CMC2: variants seen among roughly 807,000 people sequenced by gnomAD.
CMC2 encodes the protein C-X9-C motif containing 2.
In CMC2, 5 loss-of-function variants were observed where a neutral mutation model predicts 7.5. The ratio of observed to expected loss-of-function variants is 0.66; its 90% CI spans 0.35 to 1.40. The LOEUF is 1.40. Among genes scored for constraint, CMC2 ranks in the 40% most tolerant of loss-of-function variants. CMC2 has a pLI of 0.04. For missense variants in CMC2, 115 were observed against 92.3 expected, an observed-to-expected ratio of 1.25 and a Z score of -1.01; for synonymous variants, 37 against 31.4, an observed-to-expected ratio of 1.18 and a Z score of -0.60.
intron 2 of CMC2, among the ~76,000 whole-genome samples, chr16:80,993,594 G>C (rs1968180030): frequency 6.6e-6 from 1 of 152,232 alleles, no homozygotes; most frequent in Non-Finnish European, 1.5e-5. Context: ...GCTCACACAG[G>C]GCTGGGAGTC....
chr16:80,985,915 A>AAAAAC (rs1967489504), intron 2 of CMC2, among the ~76,000 whole-genome samples: 2 of 151,766 alleles, frequency 1.3e-5, no homozygotes, highest in Non-Finnish European at 2.9e-5. Flanking sequence ...AAAAAAAAAA[A>AAAAAC]AAACCACAGG....
At chr16:80,986,124 G>A (rs916743585) in intron 2 of CMC2, among the ~76,000 whole-genome samples, 2 of 152,196 alleles carry the variant, frequency 1.3e-5, no homozygotes, top group Non-Finnish European at 2.9e-5. Context: ...CAGGCGGGCG[G>A]ATCACCTGAG....
chr16:81,001,569 T>C (rs1245974210), intron 1 of CMC2, among the ~76,000 whole-genome samples: 1 of 152,122 alleles, frequency 6.6e-6, no homozygotes, highest in African/African-American at 2.4e-5. Context: ...ACATTATTAA[T>C]GTATCTGATA....
intron 1 of CMC2, among the ~76,000 whole-genome samples, chr16:81,002,054 G>A (rs1326543654): frequency 3.3e-5 from 5 of 152,160 alleles, no homozygotes; most frequent in Admixed American, 1.3e-4. Flanking sequence ...ATCCAATATC[G>A]TACCAATATT....
At chr16:80,986,168 G>C (rs1380496294) in intron 2 of CMC2, among the ~76,000 whole-genome samples, 1 of 152,128 alleles carries the variant, frequency 6.6e-6, no homozygotes, top group Non-Finnish European at 1.5e-5. Context: ...GGCTAACATG[G>C]TGAAACCCCA....
intron 2 of CMC2, chr16:80,983,993 G>GA (rs34669239): frequency 3.3e-4 from 49 of 148,140 alleles, no homozygotes; most frequent in Non-Finnish European, 4.1e-4. Flanking sequence ...AAAAAAAAAA[G>GA]AAAAAAAAAC....
intron 1 of CMC2, among the ~76,000 whole-genome samples, chr16:81,004,950 T>G (rs1969145914): frequency 6.6e-6 from 1 of 152,242 alleles, no homozygotes. Context: ...TGTATTTTAA[T>G]GCCAGTTGGC....
intron 2 of CMC2, among the ~76,000 whole-genome samples, chr16:80,992,842 C>T (rs565539763): frequency 1.3e-4 from 19 of 151,998 alleles, no homozygotes; most frequent in Admixed American, 3.3e-4. Flanking sequence ...CAGGCATGTG[C>T]CATGCCCGGC....
Position 80,981,871 on chromosome 16 carries a change from T to C in CMC2, c.88A>G (p.Ile30Val). 2 of 1,607,002 alleles carry C rather than the reference T, an allele frequency of 1.2e-6. No homozygotes were observed. The highest frequency in any genetic ancestry group is 1.7e-6 in the Non-Finnish European group (2 of 1,174,772). ...LLKECHKNHN[I>V]LKFFGYCNDV... ...TTACAATAACCAAAAAATTTCAGAA[T>C]GTTGTGCTAAAAGGAAGAAAAGGAG... Residue 30 changes from isoleucine to valine, a missense_variant, in exon 3 of 4, where the codon ATT (isoleucine) becomes GTT (valine). By Grantham distance (29) the Ile-to-Val change is conservative (BLOSUM62 3). Coordinates refer to ENST00000219400, the MANE Select transcript of CMC2 (RefSeq NM_020188.5).
At chr16:81,004,033 G>T in intron 1 of CMC2, among the ~76,000 whole-genome samples, 1 of 152,190 alleles carries the variant, frequency 6.6e-6, no homozygotes, top group East Asian at 1.9e-4. Context: ...GACCAGCCTA[G>T]CCAACATGGT....
chr16:81,004,103 A>C (rs1485437861), intron 1 of CMC2, among the ~76,000 whole-genome samples: 1 of 152,118 alleles, frequency 6.6e-6, no homozygotes, highest in African/African-American at 2.4e-5. Context: ...GGGGCCTGTA[A>C]TCCAGCTACT....
At chr16:80,987,924 C>G (rs935673551) in intron 2 of CMC2, among the ~76,000 whole-genome samples, 1 of 151,930 alleles carries the variant, frequency 6.6e-6, no homozygotes, top group African/African-American at 2.4e-5. Context: ...GCCTGTAATC[C>G]CAGCACTTTG....
At chr16:80,994,965 A>C (rs1007098529) in intron 2 of CMC2, among the ~76,000 whole-genome samples, 67 of 151,412 alleles carry the variant, frequency 4.4e-4, no homozygotes, top group African/African-American at 1.6e-3. Context: ...GACCAACATA[A>C]TGAAACCCCG....
chr16:80,988,629 C>T (rs1453600793), intron 2 of CMC2: 2 of 697,076 alleles, frequency 2.9e-6, no homozygotes, highest in African/African-American at 3.5e-5. Context: ...TTTAAGTCTC[C>T]ATACGATTAC....
At chr16:80,997,180 T>C in intron 2 of CMC2, 134 bp downstream of exon 2, 1 of 648,090 alleles carries the variant, frequency 1.5e-6, no homozygotes, top group South Asian at 1.8e-5. Context: ...ACATATCAAC[T>C]GCTAATCTTG....
rs755927424 is a variant in CMC2 at position 80,996,989 on chromosome 16, G to C, written c.81+325C>G. The C allele has an allele frequency of 1.7e-5, 8 of 466,054 alleles. No homozygotes were observed. In the Middle Eastern group the frequency reaches 1.6e-3, roughly 92 times the overall value. 28.9% of individuals were successfully genotyped at this position (466,054 alleles called of 1,614,324 possible). A position where few individuals can be genotyped will look rare whatever the true frequency, so the allele number is the denominator to read the frequency against. Reference sequence around the variant, plus strand: ...TAGAATAATTCCATTATAATCAGAAGTGTCAGCGCTGAATATAACTGTTCT... The same window carrying C: ...TAGAATAATTCCATTATAATCAGAACTGTCAGCGCTGAATATAACTGTTCT... On this transcript the variant is annotated intron_variant, in intron 2 of 3. Transcript: ENST00000219400.
rs1479263912 is a variant in CMC2, at chr16:80,966,994, T to C, written c.*9099A>G. On this transcript the variant is annotated 3_prime_UTR_variant, in exon 4 of 4. Coordinates refer to ENST00000219400, the MANE Select transcript of CMC2 (RefSeq NM_020188.5). ...AAGTGATCTACAGAAAAAGAAAATG[T>C]AAATTTTAAAGTCCTTTGGGCTACT... 2 of 152,238 alleles carry C rather than the reference T, an allele frequency of 1.3e-5. No individual in the cohort carries two copies. The highest frequency in any genetic ancestry group is 2.9e-5 in the Non-Finnish European group (2 of 68,042). The allele number at this position is 152,238 out of a possible 1,614,324, so 9.4% of individuals were successfully genotyped here.
At chr16:80,989,078 T>C (rs1433787523) in intron 2 of CMC2, among the ~76,000 whole-genome samples, 1 of 152,200 alleles carries the variant, frequency 6.6e-6, no homozygotes, top group Non-Finnish European at 1.5e-5. Flanking sequence ...ATGTTAACTT[T>C]TATTACCTAG....
chr16:80,998,903 A>G (rs970521139), intron 1 of CMC2: 1 of 151,948 alleles, frequency 6.6e-6, no homozygotes, highest in South Asian at 2.1e-4. Flanking sequence ...ACATCCCTTC[A>G]TGATAAAAAC....
Sources: gnomAD v4.1 joint callset for allele counts (sites outside exome capture counted in the v4.1 genomes callset) on GRCh38, gnomAD v4.1.1 for gene constraint, MANE v1.5 for transcripts, NCBI Gene and HGNC (gene_info 2026-07-23, HGNC 2026-07-21) for gene names.